The following METTL25 variants were observed in gnomAD, a reference collection of about 807,000 sequenced individuals.
METTL25 encodes the protein probable methyltransferase-like protein 25.
Under a neutral mutation model 71.6 loss-of-function variants are expected in METTL25, and 64 were observed. The observed-to-expected ratio is 0.89, with a 90% CI of 0.73 to 1.10. The LOEUF (loss-of-function observed/expected upper bound fraction) is 1.10, where lower values mean the gene tolerates loss of function less well. Among genes scored for constraint, METTL25 ranks in the 50% least tolerant of loss-of-function variants. The pLI, the probability that METTL25 is intolerant of heterozygous loss-of-function variation, is 0.00. For missense variants in METTL25, 807 were observed against 707.0 expected, an observed-to-expected ratio of 1.14 and a Z score of -1.60; for synonymous variants, 287 against 250.3, an observed-to-expected ratio of 1.15 and a Z score of -1.38.
At chr12:82,446,653 G>T (rs1470127279) in intron 8 of METTL25, among the ~76,000 whole-genome samples, 2 of 135,740 alleles carry the variant, frequency 1.5e-5, no homozygotes, top group African/African-American at 5.5e-5. Context: ...GTCTCGCTCT[G>T]TCGCCCAGGC....
intron 5 of METTL25, among the ~76,000 whole-genome samples, chr12:82,421,966 G>A (rs995313570): frequency 6.6e-6 from 1 of 152,142 alleles, no homozygotes; most frequent in Non-Finnish European, 1.5e-5. Context: ...TCTACCAGAG[G>A]TACAAGGAGG....
chr12:82,477,733 A>G (rs183893417), intron 11 of METTL25, among the ~76,000 whole-genome samples: 366 of 151,866 alleles, frequency 2.4e-3, no homozygotes, highest in Middle Eastern at 6.8e-3. Context: ...AGTGTTGGCC[A>G]TATGGATTCT....
chr12:82,471,183 A>G (rs1892548042), intron 9 of METTL25, among the ~76,000 whole-genome samples: 1 of 152,202 alleles, frequency 6.6e-6, no homozygotes, highest in South Asian at 2.1e-4. Flanking sequence ...GTTTTCTTAA[A>G]TTGATGCAAC....
At position 82,399,139 on chromosome 12, in the gene METTL25, A is replaced by T. The variant is rs763236070; in HGVS notation, c.876A>T (p.Gln292His). Reference protein sequence around the residue: ...SGSVISNIRNQMETLHSQPHQ... With the variant: ...SGSVISNIRNHMETLHSQPHQ... Reference sequence around the variant, plus strand: ...CTGTAATTTCTAATATCAGAAACCAAATGGAAACCCTTCATTCTCAGCCAC... The same window carrying T: ...CTGTAATTTCTAATATCAGAAACCATATGGAAACCCTTCATTCTCAGCCAC... The change falls in exon 4 of 12, where the codon CAA (glutamine) becomes CAT (histidine). Residue 292 changes from glutamine to histidine, a missense_variant. Gln to His is a conservative substitution (Grantham distance 24, BLOSUM62 0). Coordinates refer to ENST00000248306, the MANE Select transcript of METTL25 (RefSeq NM_032230.3). 3.7e-6 allele frequency: 6 copies of T among 1,613,718 alleles called. No homozygotes were observed. The African/African-American group carries it at 8.0e-5, about 22-fold the overall frequency.
chr12:82,432,439 AAAAG>A (rs1310333538), intron 6 of METTL25, among the ~76,000 whole-genome samples: 4 of 151,636 alleles, frequency 2.6e-5, no homozygotes, highest in Non-Finnish European at 5.9e-5. Flanking sequence ...CCTTGACAAA[AAAAG>A]AGAGAGATTA....
At chr12:82,444,570 CAT>C (rs1890607041) in intron 8 of METTL25, among the ~76,000 whole-genome samples, 1 of 151,980 alleles carries the variant, frequency 6.6e-6, no homozygotes, top group African/African-American at 2.4e-5. Context: ...GGCAAAAAGA[CAT>C]ATATCAAAAA....
intron 1 of METTL25, among the ~76,000 whole-genome samples, chr12:82,377,312 A>G (rs981959804): frequency 1.3e-5 from 2 of 152,226 alleles, no homozygotes; most frequent in African/African-American, 2.4e-5. Flanking sequence ...CAAAAAGACA[A>G]TAAGCTTGCC....
At chr12:82,389,076 C>A (rs1338587395) in intron 2 of METTL25, among the ~76,000 whole-genome samples, 1 of 152,050 alleles carries the variant, frequency 6.6e-6, no homozygotes, top group Non-Finnish European at 1.5e-5. Context: ...TACCACTCAA[C>A]TCCCACATCA....
chr12:82,432,863 TAAAA>T (rs11358515), intron 6 of METTL25, among the ~76,000 whole-genome samples: 5 of 130,252 alleles, frequency 3.8e-5, no homozygotes, highest in Admixed American at 7.7e-5. Context: ...TGGTCTTCTT[TAAAA>T]AAAAAAAAAA....
intron 1 of METTL25, 142 bp downstream of exon 1, chr12:82,358,966 C>T (rs756649192): frequency 1.6e-4 from 126 of 800,024 alleles, no homozygotes; most frequent in Admixed American, 2.2e-4. Context: ...GAGGAGGGGT[C>T]GGATTAGTTG....
chr12:82,422,778 A>G (rs949351971), intron 5 of METTL25, among the ~76,000 whole-genome samples: 3 of 152,210 alleles, frequency 2.0e-5, no homozygotes, highest in Non-Finnish European at 4.4e-5. Context: ...CCAAATCATG[A>G]GTGAACTCCC....
chr12:82,444,337 T>C, intron 8 of METTL25, among the ~76,000 whole-genome samples: 1 of 152,060 alleles, frequency 6.6e-6, no homozygotes, highest in Middle Eastern at 3.2e-3. Flanking sequence ...GGAGATACTC[T>C]CCCAGATAAA....
chr12:82,448,110 A>G (rs1890888147), intron 8 of METTL25, among the ~76,000 whole-genome samples: 1 of 152,074 alleles, frequency 6.6e-6, no homozygotes, highest in Non-Finnish European at 1.5e-5. Flanking sequence ...AATCAAGGTT[A>G]TTGGAATTAC....
At chr12:82,425,688 G>T (rs1035437610) in intron 5 of METTL25, among the ~76,000 whole-genome samples, 1 of 152,050 alleles carries the variant, frequency 6.6e-6, no homozygotes, top group African/African-American at 2.4e-5. Context: ...AAAACAAAGC[G>T]ACTAAAGATT....
At chr12:82,408,724 A>G (rs1376905107) in intron 5 of METTL25, among the ~76,000 whole-genome samples, 1 of 152,030 alleles carries the variant, frequency 6.6e-6, no homozygotes, top group Non-Finnish European at 1.5e-5. Flanking sequence ...TTTGTACAGT[A>G]TATGCTATGG....
intron 3 of METTL25, among the ~76,000 whole-genome samples, chr12:82,398,123 G>GT (rs1886243451): frequency 1.3e-5 from 2 of 151,384 alleles, no homozygotes; most frequent in South Asian, 2.1e-4. Context: ...CAATTTTTTA[G>GT]TTTTTTATGC....
chr12:82,401,062 T>C (rs1022897173), intron 4 of METTL25, among the ~76,000 whole-genome samples: 2 of 152,016 alleles, frequency 1.3e-5, no homozygotes, highest in Admixed American at 1.3e-4. Flanking sequence ...AAACTAATCA[T>C]CAAGAAAAGC....
chr12:82,405,381 G>A (rs1458295699), intron 5 of METTL25, among the ~76,000 whole-genome samples: 1 of 151,934 alleles, frequency 6.6e-6, no homozygotes, highest in Non-Finnish European at 1.5e-5. Context: ...TCTCTTGCCT[G>A]TTTTTTTGTA....
chr12:82,437,377 A>G (rs902711234), intron 7 of METTL25, among the ~76,000 whole-genome samples: 1 of 151,684 alleles, frequency 6.6e-6, no homozygotes, highest in African/African-American at 2.4e-5. Context: ...TTACAGTGGT[A>G]GAACCTGTAT....
Sources: gnomAD v4.1 joint callset for allele counts (sites outside exome capture counted in the v4.1 genomes callset) on GRCh38, gnomAD v4.1.1 for gene constraint, MANE v1.5 for transcripts, NCBI Gene and HGNC (gene_info 2026-07-23, HGNC 2026-07-21) for gene names.